The following CALCRL variants were observed in gnomAD, a reference collection of about 807,000 sequenced individuals.
CALCRL encodes calcitonin gene-related peptide type 1 receptor.
In CALCRL, 27 loss-of-function variants were observed where a neutral mutation model predicts 60.4. The observed-to-expected ratio is 0.45, with a 90% CI of 0.33 to 0.62. The LOEUF is 0.62. Among genes scored for constraint, CALCRL ranks in the 20% least tolerant of loss-of-function variants. CALCRL has a pLI of 0.03. For missense variants in CALCRL, 424 were observed against 540.7 expected, an observed-to-expected ratio of 0.78 and a Z score of 2.14; for synonymous variants, 190 against 182.6, an observed-to-expected ratio of 1.04 and a Z score of -0.33.
intron 1 of CALCRL, among the ~76,000 whole-genome samples, chr2:187,403,357 A>G (rs1306107972): frequency 6.6e-6 from 1 of 151,842 alleles, no homozygotes; most frequent in Non-Finnish European, 1.5e-5. Context: ...ACCTGAGTGC[A>G]GTTCTCACAT....
chr2:187,348,390 G>C (rs1234811853), intron 14 of CALCRL, among the ~76,000 whole-genome samples: 1 of 151,568 alleles, frequency 6.6e-6, no homozygotes, highest in Non-Finnish European at 1.5e-5. Context: ...AATTGGTTGA[G>C]TATGTAATCA....
At chr2:187,430,482 G>A (rs1690352434) in intron 1 of CALCRL, among the ~76,000 whole-genome samples, 1 of 152,070 alleles carries the variant, frequency 6.6e-6, no homozygotes, top group Admixed American at 6.6e-5. Context: ...TAATTTTGTA[G>A]GAAAGGCAGC....
chr2:187,423,739 G>A (rs1391375014), intron 1 of CALCRL, among the ~76,000 whole-genome samples: 2 of 151,856 alleles, frequency 1.3e-5, no homozygotes, highest in Admixed American at 6.6e-5. Flanking sequence ...GATAAATAGA[G>A]AATAATGAAC....
chr2:187,365,025 T>G (rs1342253101), intron 8 of CALCRL, among the ~76,000 whole-genome samples: 1 of 152,190 alleles, frequency 6.6e-6, no homozygotes, highest in Non-Finnish European at 1.5e-5. Context: ...TAATCAGGGC[T>G]TATCTACAGG....
intron 1 of CALCRL, among the ~76,000 whole-genome samples, chr2:187,405,365 G>A (rs930991920): frequency 6.6e-6 from 1 of 151,994 alleles, no homozygotes; most frequent in Non-Finnish European, 1.5e-5. Context: ...GCGTGAATAA[G>A]GATGGGCACT....
At chr2:187,397,620 G>A (rs1574274076) in intron 1 of CALCRL, among the ~76,000 whole-genome samples, 2 of 151,506 alleles carry the variant, frequency 1.3e-5, no homozygotes, top group South Asian at 4.2e-4. Flanking sequence ...TGAAGTCTGG[G>A]CTTTTAGTGT....
In CALCRL at chr2:187,380,488, A is replaced by T; in HGVS notation, c.387T>A (p.Val129=). ...ATACCTTCACTTTCTCGTGGGTGTT[A>T]ACATTACACTGGGTATAATTTGTCC... ...RTWTNYTQCN[V]NTHEKVKTAL... The change falls in exon 7 of 15, where the codon GTT becomes GTA. Residue 129 remains valine (V), a synonymous_variant. Coordinates refer to ENST00000392370, the MANE Select transcript of CALCRL (RefSeq NM_005795.6). The T allele has an allele frequency of 5.0e-6, 8 of 1,604,448 alleles. No individual in the cohort carries two copies. The highest frequency in any genetic ancestry group is 6.0e-6 in the Non-Finnish European group (7 of 1,171,434).
intron 1 of CALCRL, among the ~76,000 whole-genome samples, chr2:187,390,276 T>G (rs1042243040): frequency 1.3e-5 from 2 of 152,236 alleles, no homozygotes; most frequent in Admixed American, 6.5e-5. Flanking sequence ...ATTTAAGATA[T>G]TAGTAGTTCA....
chr2:187,393,236 C>G (rs1427901813), intron 1 of CALCRL, among the ~76,000 whole-genome samples: 1 of 152,028 alleles, frequency 6.6e-6, no homozygotes, highest in Non-Finnish European at 1.5e-5. Flanking sequence ...GGAACAGAAC[C>G]TTTTGGAGAA....
At chr2:187,439,956 T>C (rs751481437) in intron 1 of CALCRL, among the ~76,000 whole-genome samples, 2 of 152,142 alleles carry the variant, frequency 1.3e-5, no homozygotes, top group African/African-American at 2.4e-5. Context: ...ATTCTTTTCA[T>C]ACTCAGATGA....
At chr2:187,400,284 G>A (rs1225176740) in intron 1 of CALCRL, among the ~76,000 whole-genome samples, 2 of 151,162 alleles carry the variant, frequency 1.3e-5, no homozygotes, top group East Asian at 3.9e-4. Flanking sequence ...ATGAAAAGAT[G>A]TTCAATATTC....
intron 1 of CALCRL, among the ~76,000 whole-genome samples, chr2:187,401,515 T>C (rs1688886228): frequency 6.6e-6 from 1 of 151,622 alleles, no homozygotes; most frequent in African/African-American, 2.4e-5. Flanking sequence ...GCACAAAATA[T>C]TGTCTTTCCT....
At chr2:187,425,297 G>C (rs3771069) in intron 1 of CALCRL, among the ~76,000 whole-genome samples, 2 of 151,954 alleles carry the variant, frequency 1.3e-5, no homozygotes, top group East Asian at 3.9e-4. Flanking sequence ...ACAAAAGCAA[G>C]CTATTTGCTA....
At chr2:187,412,253 C>T (rs536152752) in intron 1 of CALCRL, among the ~76,000 whole-genome samples, 2 of 152,082 alleles carry the variant, frequency 1.3e-5, no homozygotes, top group Non-Finnish European at 2.9e-5. Context: ...GTCAGGATAG[C>T]TTGAACGGGT....
At chr2:187,373,832 C>T (rs1216420831) in intron 8 of CALCRL, among the ~76,000 whole-genome samples, 1 of 152,014 alleles carries the variant, frequency 6.6e-6, no homozygotes, top group Non-Finnish European at 1.5e-5. Flanking sequence ...AAGTAAGTGA[C>T]AAAGTGGAAT....
intron 1 of CALCRL, chr2:187,415,725 CA>C (rs1350243522): frequency 3.7e-6 from 2 of 538,292 alleles, no homozygotes; most frequent in Non-Finnish European, 6.8e-6. Flanking sequence ...CTTCCACCTT[CA>C]GTGAGGGGGC....
chr2:187,411,156 A>G (rs541764394), intron 1 of CALCRL, among the ~76,000 whole-genome samples: 1 of 152,266 alleles, frequency 6.6e-6, no homozygotes, highest in South Asian at 2.1e-4. Context: ...CCCTAGAAAT[A>G]CTGAAAGAAA....
At chr2:187,425,086 G>C (rs1690061910) in intron 1 of CALCRL, among the ~76,000 whole-genome samples, 1 of 151,798 alleles carries the variant, frequency 6.6e-6, no homozygotes, top group Admixed American at 6.6e-5. Context: ...ATTAATGGTA[G>C]ACCTGAATTT....
At chr2:187,441,001 T>G (rs1000187014) in intron 1 of CALCRL, among the ~76,000 whole-genome samples, 5 of 152,218 alleles carry the variant, frequency 3.3e-5, no homozygotes, top group Admixed American at 1.3e-4. Flanking sequence ...CTATCCAAAT[T>G]AATGAAGACA....
Sources: allele counts gnomAD v4.1 joint callset (sites outside exome capture counted in the v4.1 genomes callset), GRCh38; gene constraint gnomAD v4.1.1; transcripts MANE v1.5; gene names NCBI Gene and HGNC (gene_info 2026-07-23, HGNC 2026-07-21).